The following CEP350 variants were observed in gnomAD, a reference collection of about 807,000 sequenced individuals.
CEP350 encodes centrosomal protein 350.
CEP350 carries 126 observed loss-of-function variants against 331.8 expected under a neutral mutation model. The observed-to-expected ratio is 0.38, with a 90% confidence interval of 0.33 to 0.44. The LOEUF is 0.44. Ranked by LOEUF, CEP350 falls within the 20% of genes least tolerant of loss-of-function variation. The pLI is 1.00. For missense variants in CEP350, 3,406 were observed against 3,634.6 expected (o/e 0.94, Z 1.62); for synonymous variants, 1,200 against 1,259.5 (o/e 0.95, Z 1.00).
At chr1:179,974,206 C>A (rs192837812) in intron 1 of CEP350, among the ~76,000 whole-genome samples, 1 of 151,912 alleles carries the variant, frequency 6.6e-6, no homozygotes, top group Non-Finnish European at 1.5e-5. Flanking sequence ...CAGCCTCCCA[C>A]GTAGCTGGGA....
intron 1 of CEP350, among the ~76,000 whole-genome samples, chr1:179,972,079 C>T (rs12131200): frequency 0.083 from 12,686 of 152,030 alleles, 704 homozygotes; most frequent in Non-Finnish European, 0.12. Flanking sequence ...AGGAATACCT[C>T]GTTTGTTTTT....
Position 180,022,785 on chromosome 1 carries a change from A to G in CEP350, c.3323A>G (p.Asp1108Gly), listed in dbSNP as rs573045407. 235 of 1,606,672 alleles carry G rather than the reference A, an allele frequency of 1.5e-4. 4 individuals are homozygous for G. The South Asian group carries it at 2.5e-3, about 17-fold the overall frequency. The change falls in exon 13 of 38, where the codon GAT becomes GGT. Residue 1108 changes from aspartate (D) to glycine (G), a missense_variant. Transcript: ENST00000367607. ...CCTCTAAGTGGTGTTTCATATGAAGATGATTTTGTCTCCTCTCCAGGGACT... is the reference window on the plus strand; with the variant it reads ...CCTCTAAGTGGTGTTTCATATGAAGGTGATTTTGTCTCCTCTCCAGGGACT... The part of the protein sequence containing the change: ...ATPLSGVSYE[D>G]DFVSSPGTGT...
At chr1:179,991,919 C>T in intron 4 of CEP350, 143 bp from the exon 5 acceptor site, 1 of 681,638 alleles carries the variant, frequency 1.5e-6, no homozygotes, top group Non-Finnish European at 2.2e-6. Flanking sequence ...ATATAATATC[C>T]AACTAGAGAT....
At chr1:180,107,830 AAAAACAAAAC>A (rs59243464) in intron 37 of CEP350, among the ~76,000 whole-genome samples, 42 of 150,422 alleles carry the variant, frequency 2.8e-4, no homozygotes, top group Non-Finnish European at 5.2e-4. Context: ...CTGCTCCCAA[AAAAACAAAAC>A]AAAACAAAAC....
rs1225771704 is a variant in CEP350, at chr1:180,043,100, T to G, written c.4407T>G (p.Ala1469=). 1.9e-6 allele frequency: 3 copies of G among 1,613,770 alleles called. No individual in the cohort carries two copies. The African/African-American group carries it at 4.0e-5, about 22-fold the overall frequency. The change falls in exon 20 of 38, where the codon GCT becomes GCG. Residue 1469 remains alanine, a synonymous_variant. Transcript: ENST00000367607. ...CTCATATCTCAGATGCTGTCGTGGC[T>G]TCAGGAGCTCCCCTTGCAATACTGT... ...TRTHISDAVV[A]SGAPLAILYD... is the part of the protein sequence containing the mutation.
intron 25 of CEP350, among the ~76,000 whole-genome samples, chr1:180,057,921 G>A (rs929765908): frequency 6.6e-6 from 1 of 152,166 alleles, no homozygotes; most frequent in Non-Finnish European, 1.5e-5. Context: ...AGCCCTCTAT[G>A]TGCTACTTCA....
chr1:180,030,029 A>T (rs1176193247), intron 14 of CEP350, among the ~76,000 whole-genome samples: 2 of 152,072 alleles, frequency 1.3e-5, no homozygotes, highest in Non-Finnish European at 2.9e-5. Context: ...ATTCCCGTGT[A>T]TGTATAAACC....
chr1:179,976,015 A>G (rs1651836594), intron 1 of CEP350, among the ~76,000 whole-genome samples: 1 of 152,196 alleles, frequency 6.6e-6, no homozygotes, highest in African/African-American at 2.4e-5. Context: ...GGCAAGGGAA[A>G]CAGGAGAAAT....
intron 26 of CEP350, 67 bp from the exon 27 acceptor site, chr1:180,065,048 G>T: frequency 7.1e-7 from 1 of 1,417,370 alleles, no homozygotes; most frequent in South Asian, 1.6e-5. Flanking sequence ...ATTTTGAATT[G>T]ACAGTATTAT....
At chr1:179,962,046 C>T (rs1357428901) in intron 1 of CEP350, among the ~76,000 whole-genome samples, 1 of 151,950 alleles carries the variant, frequency 6.6e-6, no homozygotes, top group Non-Finnish European at 1.5e-5. Flanking sequence ...GGGGTTTCAC[C>T]ATGTTGGCCA....
Position 179,973,326 on chromosome 1 carries a change from A to C in CEP350, c.-13-12843A>C, listed in dbSNP as rs1651598057. Among the ~76,000 whole-genome samples the C allele has an allele frequency of 3.9e-5, 6 of 152,204 alleles. No homozygotes were observed. In the South Asian group the frequency reaches 1.2e-3, roughly 32 times the overall value. ...TTTGTGAGGTTGAAGCCATAGACCTAGTAGTCAATCTTTGCTTTGCATGGG... is the reference window on the plus strand; with the variant it reads ...TTTGTGAGGTTGAAGCCATAGACCTCGTAGTCAATCTTTGCTTTGCATGGG... On this transcript the variant is annotated intron_variant, in intron 1 of 37. Transcript: ENST00000367607.
intron 27 of CEP350, among the ~76,000 whole-genome samples, chr1:180,074,534 A>G (rs1659100817): frequency 6.6e-6 from 1 of 152,220 alleles, no homozygotes; most frequent in South Asian, 2.1e-4. Context: ...TTTAAAATAA[A>G]AGTAAAAAAG....
At chr1:180,050,673 C>CAAA (rs4058356) in intron 22 of CEP350, among the ~76,000 whole-genome samples, 8 of 84,036 alleles carry the variant, frequency 9.5e-5, no homozygotes, top group Admixed American at 2.7e-4. Context: ...CCAAAAAAAC[C>CAAA]AAAAAAAAAA....
intron 27 of CEP350, among the ~76,000 whole-genome samples, chr1:180,065,761 C>T (rs1035085645): frequency 8.6e-5 from 13 of 151,440 alleles, no homozygotes; most frequent in African/African-American, 3.2e-4. Flanking sequence ...CTGTCCCCCC[C>T]CAAAAAAAAA....
At chr1:180,010,430 A>T in intron 8 of CEP350, among the ~76,000 whole-genome samples, 1 of 146,528 alleles carries the variant, frequency 6.8e-6, no homozygotes, top group African/African-American at 2.5e-5. Flanking sequence ...TTTTAAAGAA[A>T]CTATACCCAC....
chr1:180,002,409 G>A (rs915394099), intron 6 of CEP350, among the ~76,000 whole-genome samples: 2 of 152,140 alleles, frequency 1.3e-5, no homozygotes, highest in African/African-American at 4.8e-5. Context: ...AGGAGGTGGA[G>A]GTTGCAGTGA....
At chr1:180,065,373 AT>A in intron 27 of CEP350, 101 bp downstream of exon 27, 1 of 1,153,426 alleles carries the variant, frequency 8.7e-7, no homozygotes, top group Non-Finnish European at 1.2e-6. Flanking sequence ...GAGACAAAAT[AT>A]TTTATGGATT....
rs764145274 is a variant in CEP350 at position 180,094,358 on chromosome 1, C to A, written c.8253C>A (p.Ile2751=). 6.2e-7 allele frequency: 1 copy of A among 1,613,780 alleles called. No individual in the cohort carries two copies. The highest frequency in any genetic ancestry group is 8.5e-7 in the Non-Finnish European group (1 of 1,179,874). The change falls in exon 34 of 38, where the codon ATC becomes ATA. Residue 2751 remains isoleucine, a synonymous_variant. Coordinates refer to ENST00000367607, the MANE Select transcript of CEP350 (RefSeq NM_014810.5). ...AGTCAAAACAACAACTGGAAAAAAT[C>A]AGCTTACTGACAGACAGTTTACTAA... ...EKKSKQQLEK[I]SLLTDSLLKV...
chr1:180,015,164 G>A (rs1571869194), intron 10 of CEP350, among the ~76,000 whole-genome samples: 1 of 152,008 alleles, frequency 6.6e-6, no homozygotes, highest in East Asian at 1.9e-4. Flanking sequence ...AAAAGGTAGA[G>A]ATGGAAGGGG....
Sources: allele counts gnomAD v4.1 joint callset (sites outside exome capture counted in the v4.1 genomes callset), GRCh38; gene constraint gnomAD v4.1.1; transcripts MANE v1.5; gene names NCBI Gene and HGNC (gene_info 2026-07-23, HGNC 2026-07-21).